ZNF638: variants seen among roughly 807,000 people sequenced by gnomAD.
ZNF638 encodes the protein CTCL tumor antigen se33-1.
A neutral mutation model predicts 195.6 loss-of-function variants in ZNF638; 46 were observed. The ratio of observed to expected loss-of-function variants is 0.24; its 90% CI spans 0.19 to 0.30. The LOEUF (loss-of-function observed/expected upper bound fraction) is 0.30, where lower values mean the gene tolerates loss of function less well. ZNF638 is among the 10% of genes least tolerant of loss of function. The pLI is 1.00. For missense variants in ZNF638, 2,440 were observed against 2,325.3 expected, an observed-to-expected ratio of 1.05 and a Z score of -1.01; for synonymous variants, 845 against 772.0, an observed-to-expected ratio of 1.09 and a Z score of -1.57.
intron 3 of ZNF638, among the ~76,000 whole-genome samples, chr2:71,358,040 G>GA (rs2079052560): frequency 6.6e-6 from 1 of 152,178 alleles, no homozygotes; most frequent in Non-Finnish European, 1.5e-5. Flanking sequence ...GGCTCTGGGG[G>GA]AAAATCTGTT....
intron 8 of ZNF638, among the ~76,000 whole-genome samples, chr2:71,370,914 T>C (rs1196043591): frequency 6.6e-6 from 1 of 152,228 alleles, no homozygotes; most frequent in Non-Finnish European, 1.5e-5. Context: ...CGCTAGCTAA[T>C]ACTGGGTCTT....
chr2:71,354,357 T>TA (rs397724280), intron 2 of ZNF638, among the ~76,000 whole-genome samples: 1 of 151,686 alleles, frequency 6.6e-6, no homozygotes, highest in Non-Finnish European at 1.5e-5. Flanking sequence ...TTTTTTTTTT[T>TA]AACCAGATGT....
At chr2:71,351,221 T>C (rs1170678815) in intron 2 of ZNF638, among the ~76,000 whole-genome samples, 1 of 152,196 alleles carries the variant, frequency 6.6e-6, no homozygotes, top group Non-Finnish European at 1.5e-5. Context: ...GTGTTAACGC[T>C]CTTGTTCTTT....
chr2:71,358,878 C>T (rs1238341998), intron 3 of ZNF638, among the ~76,000 whole-genome samples: 1 of 152,172 alleles, frequency 6.6e-6, no homozygotes, highest in Non-Finnish European at 1.5e-5. Context: ...ATTACTATAC[C>T]TGTTAATGGC....
intron 15 of ZNF638, among the ~76,000 whole-genome samples, chr2:71,400,861 G>A (rs1057461178): frequency 2.0e-5 from 3 of 152,086 alleles, no homozygotes; most frequent in Admixed American, 6.6e-5. Context: ...TTTTTTCTTA[G>A]AGGTAAATGG....
At chr2:71,385,231 A>C (rs1406594421) in intron 10 of ZNF638, among the ~76,000 whole-genome samples, 1 of 152,220 alleles carries the variant, frequency 6.6e-6, no homozygotes, top group Non-Finnish European at 1.5e-5. Flanking sequence ...ATGACAGTTT[A>C]ACTTAACAAA....
chr2:71,427,030 T>C lies in ZNF638; in HGVS notation c.5161T>C (p.Phe1721Leu). The change falls in exon 24 of 28, where the codon TTC becomes CTC. Residue 1721 changes from phenylalanine to leucine, a missense_variant. This residue lies in a region of ZNF638 where 1,883 missense variants were observed against 1,739.1 expected (regional missense o/e 1.08). Coordinates refer to ENST00000264447, the MANE Select transcript of ZNF638 (RefSeq NM_014497.5). ...AGATACTGTAAGGGATTCCATTGGC[T>C]TCATTTCTTCTCAGGTGCCCGAAGA... The part of the protein sequence containing the change: ...EGDTVRDSIG[F>L]ISSQVPEDPS... The C allele has an allele frequency of 6.2e-7, 1 of 1,613,514 alleles. No homozygotes were observed.
chr2:71,395,374 G>A, intron 10 of ZNF638: 1 of 701,670 alleles, frequency 1.4e-6, no homozygotes, highest in South Asian at 1.5e-5. Context: ...GATCAGTCAG[G>A]GTGGTGGGAA....
At chr2:71,417,013 A>C (rs1169113369) in intron 20 of ZNF638, among the ~76,000 whole-genome samples, 4 of 144,970 alleles carry the variant, frequency 2.8e-5, no homozygotes, top group Non-Finnish European at 6.1e-5. Context: ...ACCCAGTTCG[A>C]GCTTCCCGGC....
At chr2:71,367,247 T>A (rs1267541491) in intron 6 of ZNF638, among the ~76,000 whole-genome samples, 1 of 151,514 alleles carries the variant, frequency 6.6e-6, no homozygotes, top group Non-Finnish European at 1.5e-5. Flanking sequence ...TTTTTTTTTT[T>A]AAGTTTTCTT....
chr2:71,421,656 A>G (rs2080435662), intron 21 of ZNF638, among the ~76,000 whole-genome samples: 1 of 152,206 alleles, frequency 6.6e-6, no homozygotes, highest in Non-Finnish European at 1.5e-5. Context: ...GTCAAAAGGG[A>G]TGGCTCATCC....
intron 10 of ZNF638, chr2:71,388,371 A>G: frequency 1.6e-6 from 1 of 606,446 alleles, no homozygotes; most frequent in South Asian, 1.6e-5. Context: ...ACCTTTGATC[A>G]TCCGACCTTT....
At position 71,352,495 on chromosome 2, in the gene ZNF638, T is replaced by TA. The variant is rs58110916; in HGVS notation, c.1317+2239dup. On this transcript the variant is annotated intron_variant, in intron 2 of 27. Coordinates refer to ENST00000264447, the MANE Select transcript of ZNF638 (RefSeq NM_014497.5). Reference sequence around the variant, plus strand: ...TCCATCTCAAAAAAAATAAAAAAAATAAAAAAAAAAAAAAAGAAGAGGAGG... The same window carrying TA: ...TCCATCTCAAAAAAAATAAAAAAAATAAAAAAAAAAAAAAAAGAAGAGGAGG... 8.0e-3 allele frequency among the ~76,000 whole-genome samples: 1,071 copies of TA among 134,618 alleles called. 9 individuals carry two copies. Among genetic ancestry groups the TA allele is most frequent in the Non-Finnish European group, 0.012 (726 of 62,060 alleles). 88.3% of individuals were successfully genotyped at this position (134,618 alleles called of 152,430 possible). A position where few individuals can be genotyped will look rare whatever the true frequency, so the allele number is the denominator to read the frequency against.
chr2:71,394,819 T>G (rs1364940975), intron 10 of ZNF638, among the ~76,000 whole-genome samples: 1 of 151,976 alleles, frequency 6.6e-6, no homozygotes, highest in East Asian at 1.9e-4. Flanking sequence ...GCCAGAAATG[T>G]GTCTAATGAA....
chr2:71,391,430 A>C (rs1423778643), intron 10 of ZNF638, among the ~76,000 whole-genome samples: 4 of 152,238 alleles, frequency 2.6e-5, no homozygotes, highest in African/African-American at 9.6e-5. Context: ...ATGTGTCAGC[A>C]TCATGTAAAT....
intron 15 of ZNF638, 89 bp from the exon 16 acceptor site, chr2:71,401,867 A>G (rs2080013499): frequency 8.7e-7 from 1 of 1,149,482 alleles, no homozygotes; most frequent in South Asian, 2.0e-5. Flanking sequence ...ATGCAACAAT[A>G]TACTAATATA....
In ZNF638 at chr2:71,331,803, G is replaced by A; in HGVS notation, c.-275G>A. On this transcript the variant is annotated 5_prime_UTR_variant, in exon 1 of 28. Coordinates refer to ENST00000264447, the MANE Select transcript of ZNF638 (RefSeq NM_014497.5). ...CTTTGGAGGCGGTAGCGTTTTCGGC[G>A]TCGAGACTGGAGGCTGAGTGCTAAA... 1.0e-6 allele frequency: 1 copy of A among 986,074 alleles called. No homozygotes were observed. The highest frequency in any genetic ancestry group is 1.2e-6 in the Non-Finnish European group (1 of 830,110). 61.1% of individuals were successfully genotyped at this position (986,074 alleles called of 1,614,324 possible). A position where few individuals can be genotyped will look rare whatever the true frequency, so the allele number is the denominator to read the frequency against.
chr2:71,420,243 C>T (rs2080402437), intron 21 of ZNF638, among the ~76,000 whole-genome samples: 1 of 151,514 alleles, frequency 6.6e-6, no homozygotes, highest in South Asian at 2.1e-4. Context: ...CTTGTGGTTG[C>T]CAATTCATTA....
At chr2:71,409,889 T>C (rs1473858281) in intron 20 of ZNF638, among the ~76,000 whole-genome samples, 2 of 152,242 alleles carry the variant, frequency 1.3e-5, no homozygotes, top group Non-Finnish European at 2.9e-5. Flanking sequence ...ACAGGTGGTT[T>C]TTCTGTTTGC....
Sources: gnomAD v4.1 joint callset for allele counts (sites outside exome capture counted in the v4.1 genomes callset) on GRCh38, gnomAD v4.1.1 for gene constraint, gnomAD v4.1.1 regional missense constraint, MANE v1.5 for transcripts, NCBI Gene and HGNC (gene_info 2026-07-23, HGNC 2026-07-21) for gene names.